The following C12orf54 variants were observed in gnomAD, a reference collection of about 807,000 sequenced individuals.
The protein encoded by C12orf54 is uncharacterized protein C12orf54.
A neutral mutation model predicts 26.4 loss-of-function variants in C12orf54; 24 were observed. The ratio of observed to expected loss-of-function variants is 0.91; its 90% CI spans 0.66 to 1.28. The LOEUF (loss-of-function observed/expected upper bound fraction) is 1.28, where lower values mean the gene tolerates loss of function less well. C12orf54 is among the 50% of genes most tolerant of loss of function. C12orf54 has a pLI of 0.00. For synonymous variants in C12orf54, 54 were observed against 47.0 expected, an observed-to-expected ratio of 1.15 and a Z score of -0.61; for missense variants, 154 against 150.9, an observed-to-expected ratio of 1.02 and a Z score of -0.11.
chr12:48,413,870 A>C, the C12orf54 span, among the ~76,000 whole-genome samples: 1 of 152,172 alleles, frequency 6.6e-6, no homozygotes, highest in Non-Finnish European at 1.5e-5. Context: ...AGATCTTGGC[A>C]TTTAGCTAGG....
chr12:48,477,130 A>C, the C12orf54 span, among the ~76,000 whole-genome samples: 4 of 152,186 alleles, frequency 2.6e-5, no homozygotes, highest in African/African-American at 9.7e-5. Context: ...ACTGAACAAC[A>C]TGCTCCTGAG....
chr12:48,447,171 C>T, the C12orf54 span, among the ~76,000 whole-genome samples: 2 of 151,278 alleles, frequency 1.3e-5, no homozygotes, highest in Non-Finnish European at 2.9e-5. Context: ...GATTAGTGCC[C>T]TTGTAAGAGA....
At chr12:48,429,623 T>C in the C12orf54 span, among the ~76,000 whole-genome samples, 1 of 150,950 alleles carries the variant, frequency 6.6e-6, no homozygotes, top group African/African-American at 2.4e-5. Context: ...GTGAAAGGCC[T>C]CTACAAGGAA....
the C12orf54 span, among the ~76,000 whole-genome samples, chr12:48,448,011 C>T: frequency 6.7e-6 from 1 of 148,862 alleles, no homozygotes; most frequent in Non-Finnish European, 1.5e-5. Context: ...CAGCCCCCAG[C>T]TGGCAGCTAG....
the C12orf54 span, among the ~76,000 whole-genome samples, chr12:48,436,792 A>G: frequency 3.9e-5 from 6 of 152,378 alleles, no homozygotes; most frequent in East Asian, 9.6e-4. Context: ...AAATGCCCAC[A>G]AGAGAAAGCA....
chr12:48,474,042 G>A, the C12orf54 span, among the ~76,000 whole-genome samples: 1 of 152,160 alleles, frequency 6.6e-6, no homozygotes. Flanking sequence ...AAGAGCCAGA[G>A]AGCTGAAAAT....
At chr12:48,418,244 T>A in the C12orf54 span, among the ~76,000 whole-genome samples, 3 of 152,160 alleles carry the variant, frequency 2.0e-5, no homozygotes, top group Non-Finnish European at 4.4e-5. Flanking sequence ...AAGGCAGGAA[T>A]TGTAGTGTCT....
intron 3 of C12orf54, 146 bp downstream of exon 3, chr12:48,486,354 CATT>C: frequency 3.9e-6 from 3 of 760,972 alleles, no homozygotes; most frequent in Non-Finnish European, 6.5e-6. Context: ...TGGAGTGGGT[CATT>C]GTCTACCAAA....
the C12orf54 span, among the ~76,000 whole-genome samples, chr12:48,443,940 C>A: frequency 1.3e-5 from 2 of 152,246 alleles, no homozygotes; most frequent in African/African-American, 2.4e-5. Context: ...AGCATTAATG[C>A]TATTCTTTGG....
At chr12:48,467,938 A>G in the C12orf54 span, among the ~76,000 whole-genome samples, 18 of 152,146 alleles carry the variant, frequency 1.2e-4, no homozygotes, top group African/African-American at 3.1e-4. Context: ...TTGTATCCTC[A>G]TCACTGGCCT....
chr12:48,476,634 C>A, the C12orf54 span, among the ~76,000 whole-genome samples: 1 of 152,068 alleles, frequency 6.6e-6, no homozygotes, highest in Admixed American at 6.6e-5. Context: ...CAACAAAAAT[C>A]AAAAGAGACA....
chr12:48,457,214 C>A, the C12orf54 span, among the ~76,000 whole-genome samples: 5 of 151,746 alleles, frequency 3.3e-5, no homozygotes, highest in Non-Finnish European at 7.4e-5. Flanking sequence ...GGCCCCAGGC[C>A]CGAACTCAGA....
At chr12:48,482,876 C>T (rs1464736817) in intron 1 of C12orf54, among the ~76,000 whole-genome samples, 1 of 152,030 alleles carries the variant, frequency 6.6e-6, no homozygotes, top group African/African-American at 2.4e-5. Context: ...AACTCAAAGA[C>T]CCTTTGGCCA....
At chr12:48,479,351 G>C (rs551551068), upstream of C12orf54, among the ~76,000 whole-genome samples, 10 of 152,178 alleles carry the variant, frequency 6.6e-5, no homozygotes, top group South Asian at 2.1e-3. Context: ...ATCACACGTT[G>C]GGGACTGCTG....
chr12:48,416,089 CT>C, the C12orf54 span, among the ~76,000 whole-genome samples: 1 of 152,184 alleles, frequency 6.6e-6, no homozygotes, highest in African/African-American at 2.4e-5. Context: ...AATTTCTCTT[CT>C]CTTTTTATCT....
chr12:48,460,549 G>A, the C12orf54 span, among the ~76,000 whole-genome samples: 1 of 151,988 alleles, frequency 6.6e-6, no homozygotes, highest in East Asian at 1.9e-4. Context: ...AAAAGACTTG[G>A]TATTCTTTTT....
chr12:48,446,475 G>A, the C12orf54 span, among the ~76,000 whole-genome samples: 452 of 152,210 alleles, frequency 3.0e-3, 2 homozygotes, highest in African/African-American at 9.8e-3. Context: ...CAAAGGAGGC[G>A]CAGGTCTAGC....
the C12orf54 span, among the ~76,000 whole-genome samples, chr12:48,416,742 A>G: frequency 6.6e-6 from 1 of 151,992 alleles, no homozygotes; most frequent in Admixed American, 6.6e-5. Context: ...GGCATCTGTA[A>G]TCCCAGCTAC....
At chr12:48,468,194 T>A in the C12orf54 span, among the ~76,000 whole-genome samples, 3 of 151,740 alleles carry the variant, frequency 2.0e-5, no homozygotes, top group Non-Finnish European at 4.4e-5. Flanking sequence ...CAAATCAGAG[T>A]AAAGGGCAAG....
Sources: allele counts gnomAD v4.1 joint callset (sites outside exome capture counted in the v4.1 genomes callset), GRCh38; gene constraint gnomAD v4.1.1; transcripts MANE v1.5; gene names NCBI Gene and HGNC (gene_info 2026-07-23, HGNC 2026-07-21).